GATAD2B: variants seen among roughly 807,000 people sequenced by gnomAD.
The protein encoded by GATAD2B is GATA zinc finger domain containing 2B.
In GATAD2B, 8 loss-of-function variants were observed where a neutral mutation model predicts 64.3. The observed-to-expected ratio is 0.12, with a 90% CI of 0.07 to 0.22. The LOEUF (loss-of-function observed/expected upper bound fraction) is 0.22. Among genes scored for constraint, GATAD2B ranks in the 10% least tolerant of loss-of-function variants. The pLI, the probability that GATAD2B is intolerant of heterozygous loss-of-function variation, is 1.00. For synonymous variants in GATAD2B, 281 were observed against 271.3 expected (o/e 1.04, Z -0.35); for missense variants, 453 against 752.0 (o/e 0.60, Z 4.65).
In GATAD2B at chr1:153,816,282, C is replaced by G. The variant is rs1448701522; in HGVS notation, c.1207G>C (p.Asp403His). The stretch of plus-strand genomic sequence containing the variant: ...GAAGAAACAGCCTTACCTTGGCTGT[C>G]AATGACACTCTGTACGACTTCTTCC... ...GLEEVVQSVIDSQGKSCASLL... is the reference protein window; with the variant it reads ...GLEEVVQSVIHSQGKSCASLL... Residue 403 changes from aspartate (D) to histidine (H), a missense_variant, in exon 7 of 11, where the codon GAC (aspartate) becomes CAC (histidine). Asp to His is a moderately conservative substitution (Grantham distance 81). This residue lies in a region of GATAD2B where 160 missense variants were observed against 334.7 expected (regional missense o/e 0.48). Transcript: ENST00000368655. This position sits in a 1 kb window ranked among gnomAD's most constrained non-coding sequence, Gnocchi z 4.9. 6.2e-7 allele frequency: 1 copy of G among 1,609,356 alleles called. No individual in the cohort carries two copies. The highest frequency in any genetic ancestry group is 8.5e-7 in the Non-Finnish European group (1 of 1,175,928).
intron 1 of GATAD2B, among the ~76,000 whole-genome samples, chr1:153,854,258 C>T (rs1359444398): frequency 6.6e-6 from 1 of 152,106 alleles, no homozygotes; most frequent in Non-Finnish European, 1.5e-5. Flanking sequence ...AAAAAATTAG[C>T]TGGGCTTGGT....
At chr1:153,898,166 T>G (rs1553198326) in intron 1 of GATAD2B, among the ~76,000 whole-genome samples, 1 of 149,454 alleles carries the variant, frequency 6.7e-6, no homozygotes, top group African/African-American at 2.5e-5. Flanking sequence ...ATTAGCCAGG[T>G]ATAACAACAC....
At chr1:153,911,773 T>G (rs932862128) in intron 1 of GATAD2B, among the ~76,000 whole-genome samples, 4 of 151,870 alleles carry the variant, frequency 2.6e-5, no homozygotes, top group Non-Finnish European at 5.9e-5. Flanking sequence ...AAAGCCAACT[T>G]CCAAAGCCTT....
chr1:153,886,325 AT>A (rs1269160002), intron 1 of GATAD2B: 1 of 152,214 alleles, frequency 6.6e-6, no homozygotes, highest in African/African-American at 2.4e-5. Flanking sequence ...CCTATATAGT[AT>A]AGTCTGTTAC....
At chr1:153,876,239 A>AAAAAAAAAG (rs1676829037) in intron 1 of GATAD2B, among the ~76,000 whole-genome samples, 1 of 133,670 alleles carries the variant, frequency 7.5e-6, no homozygotes, top group Non-Finnish European at 1.6e-5. Flanking sequence ...AAAAAAAAAA[A>AAAAAAAAAG]AAAAAAAAAA....
Position 153,919,930 on chromosome 1 carries a change from A to C in GATAD2B, c.-2+2803T>G, listed in dbSNP as rs577988067. The stretch of plus-strand genomic sequence containing the variant: ...GTCCCTCAGTCCCAGTTATGGCTCA[A>C]ATCTTACGATTTCTCTAGCAGTTGT... On this transcript the variant is annotated intron_variant, in intron 1 of 10. Coordinates refer to ENST00000368655, the MANE Select transcript of GATAD2B (RefSeq NM_020699.4). Among the ~76,000 whole-genome samples the C allele has an allele frequency of 1.9e-4, 29 of 152,368 alleles. 1 individual carries two copies. The South Asian group carries it at 5.8e-3, about 30-fold the overall frequency.
In GATAD2B at chr1:153,911,030, A is replaced by G. The variant is rs1055289078; in HGVS notation, c.-2+11703T>C. ...AGGTAGAGAAATATATCTCTAAAATATTTCGGTTCACAGAAGCTTTAAGAG... is the reference window on the plus strand; with the variant it reads ...AGGTAGAGAAATATATCTCTAAAATGTTTCGGTTCACAGAAGCTTTAAGAG... On this transcript the variant is annotated intron_variant, in intron 1 of 10. Transcript: ENST00000368655. Among the ~76,000 whole-genome samples the G allele has an allele frequency of 3.9e-5, 6 of 152,200 alleles. No homozygotes were observed. In the East Asian group the frequency reaches 9.6e-4, roughly 24 times the overall value.
intron 1 of GATAD2B, among the ~76,000 whole-genome samples, chr1:153,891,271 G>C (rs1677389883): frequency 6.6e-6 from 1 of 150,774 alleles, no homozygotes; most frequent in Non-Finnish European, 1.5e-5. Context: ...GGAAAGGGAA[G>C]AAAAAAGGGA....
intron 1 of GATAD2B, among the ~76,000 whole-genome samples, chr1:153,922,518 G>C (rs1330150126): frequency 6.7e-6 from 1 of 148,188 alleles, no homozygotes; most frequent in South Asian, 2.1e-4. Context: ...AGCGCGAGGC[G>C]GGGGCGCGCC....
intron 1 of GATAD2B, among the ~76,000 whole-genome samples, chr1:153,851,419 G>C (rs536352012): frequency 6.6e-6 from 1 of 152,228 alleles, no homozygotes; most frequent in East Asian, 1.9e-4. Context: ...CAGTGTGCAA[G>C]GGTTCCAATT....
At chr1:153,913,203 C>T (rs1678159811) in intron 1 of GATAD2B, among the ~76,000 whole-genome samples, 1 of 152,034 alleles carries the variant, frequency 6.6e-6, no homozygotes, top group African/African-American at 2.4e-5. Flanking sequence ...GCTGGGATTA[C>T]AGGTGTGAGC....
Position 153,819,687 on chromosome 1 carries a change from C to T in GATAD2B, c.384G>A (p.Leu128=), listed in dbSNP as rs769608614. 3 of 1,610,224 alleles carry T rather than the reference C, an allele frequency of 1.9e-6. No individual in the cohort carries two copies. The highest frequency in any genetic ancestry group is 2.2e-5 in the East Asian group (1 of 44,724). ...RLTPSPDIIV[L]SDNEASSPRS... is the part of the protein sequence containing the mutation. The stretch of plus-strand genomic sequence containing the variant: ...GGGGACTGGAAGCCTCATTGTCAGA[C>T]AAAACAATGATGTCTGGTGAGGGAG... The change falls in exon 3 of 11, where the codon TTG becomes TTA. Residue 128 remains leucine (L), a synonymous_variant. Transcript: ENST00000368655.
intron 1 of GATAD2B, among the ~76,000 whole-genome samples, chr1:153,910,286 A>G (rs975706175): frequency 4.6e-5 from 7 of 152,140 alleles, no homozygotes; most frequent in African/African-American, 1.7e-4. Flanking sequence ...ACATTCCCCA[A>G]CTTACAATGG....
chr1:153,836,263 G>GTTTT (rs754264117), intron 1 of GATAD2B, among the ~76,000 whole-genome samples: 12 of 106,542 alleles, frequency 1.1e-4, no homozygotes, highest in Admixed American at 1.9e-4. Context: ...AAAAAAATTT[G>GTTTT]TTTTTTTTTT....
intron 1 of GATAD2B, among the ~76,000 whole-genome samples, chr1:153,876,498 G>A (rs1676838409): frequency 6.6e-6 from 1 of 152,132 alleles, no homozygotes; most frequent in Non-Finnish European, 1.5e-5. Flanking sequence ...TTGAAAGAAA[G>A]AGCCTAGATG....
At chr1:153,900,542 G>T (rs953398678) in intron 1 of GATAD2B, among the ~76,000 whole-genome samples, 11 of 152,088 alleles carry the variant, frequency 7.2e-5, no homozygotes, top group African/African-American at 2.7e-4. Context: ...TTGAGACAGG[G>T]TCTTGCTCTG....
At chr1:153,896,654 TCCAA>T (rs1331027822) in intron 1 of GATAD2B, among the ~76,000 whole-genome samples, 5 of 152,086 alleles carry the variant, frequency 3.3e-5, no homozygotes, top group Admixed American at 6.6e-5. Context: ...CAGGCTGGAC[TCCAA>T]TTCCCAACCT....
rs1332087110 is a variant in GATAD2B, at chr1:153,823,738, G to GT, written c.336-4004dup. Among the ~76,000 whole-genome samples the GT allele has an allele frequency of 7.8e-4, 111 of 141,628 alleles. 1 individual carries two copies. The highest frequency in any genetic ancestry group is 7.1e-3 in the Middle Eastern group (2 of 282). The allele number at this position is 141,628 out of a possible 152,430, so 92.9% of individuals were successfully genotyped here. ...GCTTTTTTTTTTTGTTTTTTTGTTT[G>GT]TTTTTTTTTTGAGACAAGGTCTTGG... On this transcript the variant is annotated intron_variant, in intron 2 of 10. Coordinates refer to ENST00000368655, the MANE Select transcript of GATAD2B (RefSeq NM_020699.4).
intron 1 of GATAD2B, among the ~76,000 whole-genome samples, chr1:153,909,263 G>A (rs993599293): frequency 6.6e-6 from 1 of 151,708 alleles, no homozygotes; most frequent in Non-Finnish European, 1.5e-5. Context: ...GCCCAGGCTG[G>A]AGTACAGTGG....
Sources: gnomAD v4.1 joint callset for allele counts (sites outside exome capture counted in the v4.1 genomes callset) on GRCh38, gnomAD v4.1.1 for gene constraint, gnomAD v4.1.1 regional missense constraint, Gnocchi (gnomAD v3.1) non-coding constraint, MANE v1.5 for transcripts, NCBI Gene and HGNC (gene_info 2026-07-23, HGNC 2026-07-21) for gene names.